PREX2: variants seen among roughly 807,000 people sequenced by gnomAD.
PREX2 encodes phosphatidylinositol 3,4,5-trisphosphate-dependent Rac exchanger 2 protein.
A neutral mutation model predicts 203.2 loss-of-function variants in PREX2; 107 were observed. The observed-to-expected ratio is 0.53, with a 90% CI of 0.45 to 0.62. The LOEUF is 0.62. Ranked by LOEUF, PREX2 falls within the 20% of genes least tolerant of loss-of-function variation. The pLI is 0.00. For missense variants in PREX2, 1,777 were observed against 1,955.9 expected (o/e 0.91, Z 1.72); for synonymous variants, 672 against 663.6 (o/e 1.01, Z -0.19).
chr8:68,162,192 T>G (rs551074418), intron 35 of PREX2, among the ~76,000 whole-genome samples: 1 of 152,084 alleles, frequency 6.6e-6, no homozygotes, highest in Non-Finnish European at 1.5e-5. Flanking sequence ...AGTTTTAACC[T>G]AGTCACTAAT....
intron 31 of PREX2, among the ~76,000 whole-genome samples, chr8:68,133,815 T>C (rs1585818546): frequency 6.6e-6 from 1 of 152,334 alleles, no homozygotes; most frequent in Non-Finnish European, 1.5e-5. Flanking sequence ...GATTCTAGAA[T>C]AGAGTCACAA....
chr8:68,029,520 C>T (rs903013686), intron 5 of PREX2, among the ~76,000 whole-genome samples: 2 of 152,004 alleles, frequency 1.3e-5, no homozygotes, highest in African/African-American at 4.8e-5. Context: ...ATTTAGGGTC[C>T]GAGTTTATGG....
intron 39 of PREX2, among the ~76,000 whole-genome samples, chr8:68,229,798 A>T (rs779573422): frequency 1.3e-5 from 2 of 152,206 alleles, no homozygotes; most frequent in Non-Finnish European, 2.9e-5. Flanking sequence ...CTTTTCAATC[A>T]TTAGGCAGCA....
chr8:68,120,428 T>C (rs1289742038), intron 29 of PREX2, 142 bp downstream of exon 29: 26 of 585,172 alleles, frequency 4.4e-5, no homozygotes, highest in Non-Finnish European at 6.9e-5. Flanking sequence ...ACTTCTATTC[T>C]GATAATTTTT....
At chr8:67,995,602 A>G (rs990747719) in intron 1 of PREX2, among the ~76,000 whole-genome samples, 14 of 152,206 alleles carry the variant, frequency 9.2e-5, no homozygotes, top group Non-Finnish European at 2.1e-4. Context: ...TTCATCAGCT[A>G]TGTAAATATT....
intron 35 of PREX2, among the ~76,000 whole-genome samples, chr8:68,172,933 C>T (rs1257884632): frequency 6.6e-6 from 1 of 152,202 alleles, no homozygotes; most frequent in Admixed American, 6.5e-5. Context: ...TTATTTACGA[C>T]TGATTTCAAA....
rs186989345 is a variant in PREX2, at chr8:68,051,445, G to A, written c.944-1652G>A. ...CAGAGAGAAGACAGCCTGAAAAAAA[G>A]CTTGGGCTTGTATGTGACTCTGGTC... On this transcript the variant is annotated intron_variant, in intron 8 of 39. Transcript: ENST00000288368. Among the ~76,000 whole-genome samples the A allele has an allele frequency of 3.9e-4, 59 of 152,224 alleles. No homozygotes were observed. The East Asian group carries it at 0.011, about 28-fold the overall frequency.
At chr8:67,953,688 A>C (rs28413565) in intron 1 of PREX2, among the ~76,000 whole-genome samples, 10,294 of 152,238 alleles carry the variant, frequency 0.068, 692 homozygotes, top group African/African-American at 0.18. Context: ...AAGGAAAGAA[A>C]AATGTCTCAA....
chr8:67,952,500 C>A lies in PREX2; in HGVS notation c.106C>A (p.Arg36=). 2 of 1,610,012 alleles carry A rather than the reference C, an allele frequency of 1.2e-6. No individual in the cohort carries two copies. Among genetic ancestry groups the A allele is most frequent in the Non-Finnish European group, 1.7e-6 (2 of 1,178,282 alleles). The change falls in exon 1 of 40, where the codon CGG becomes AGG. Residue 36 remains arginine (R), a synonymous_variant. Transcript: ENST00000288368. ...GCTCAGCGAGCTCCAGAAGACCGAG[C>A]GGGACTATGTGGGCACGCTGGAGTT... ...CVLSELQKTE[R]DYVGTLEFLV...
intron 1 of PREX2, among the ~76,000 whole-genome samples, chr8:67,999,992 A>G (rs1341419503): frequency 6.6e-6 from 1 of 152,220 alleles, no homozygotes; most frequent in Admixed American, 6.5e-5. Flanking sequence ...ACCTGTGACA[A>G]ACCCACAGCC....
chr8:68,132,456 A>G (rs768326525), intron 31 of PREX2, among the ~76,000 whole-genome samples: 7 of 152,072 alleles, frequency 4.6e-5, no homozygotes, highest in Non-Finnish European at 7.4e-5. Flanking sequence ...GTTGAGCCTA[A>G]TAAGTGAATA....
chr8:68,044,856 C>T (rs537409100), intron 8 of PREX2, among the ~76,000 whole-genome samples: 2 of 152,114 alleles, frequency 1.3e-5, no homozygotes, highest in Non-Finnish European at 2.9e-5. Context: ...ATGGCATTCA[C>T]GGGACTGAAA....
At chr8:68,062,414 A>G (rs1585749674) in intron 11 of PREX2, among the ~76,000 whole-genome samples, 1 of 152,204 alleles carries the variant, frequency 6.6e-6, no homozygotes, top group African/African-American at 2.4e-5. Context: ...TAAACTTCTT[A>G]CCATGACCTA....
intron 22 of PREX2, 111 bp downstream of exon 22, chr8:68,097,312 G>A: frequency 2.4e-6 from 2 of 827,822 alleles, no homozygotes; most frequent in South Asian, 2.2e-5. Flanking sequence ...GCAGCTGTCA[G>A]CTCATTCAAA....
chr8:68,233,150 A>T lies in PREX2; in HGVS notation c.*1772A>T, dbSNP rs12548558. The T allele has an allele frequency of 6.6e-6, 1 of 152,164 alleles. No homozygotes were observed. Among genetic ancestry groups the T allele is most frequent in the East Asian group, 1.9e-4 (1 of 5,164 alleles). 9.4% of individuals were successfully genotyped at this position (152,164 alleles called of 1,614,324 possible). On this transcript the variant is annotated 3_prime_UTR_variant, in exon 40 of 40. Transcript: ENST00000288368. ...CAAGGAACCTAACATCAGAGTTTTC[A>T]AGAAAAAGTTGAACATTTTGAATTT...
chr8:68,037,438 C>G (rs556109247), intron 6 of PREX2, among the ~76,000 whole-genome samples: 1 of 152,166 alleles, frequency 6.6e-6, no homozygotes, highest in Non-Finnish European at 1.5e-5. Flanking sequence ...GTCCGATACT[C>G]GTGTCCAACT....
At chr8:68,171,414 A>T (rs1417849249) in intron 35 of PREX2, among the ~76,000 whole-genome samples, 1 of 152,164 alleles carries the variant, frequency 6.6e-6, no homozygotes, top group Non-Finnish European at 1.5e-5. Flanking sequence ...TCTGGCCAGA[A>T]GTGTGTTTTC....
rs1481202340 is a variant in PREX2 at position 68,183,322 on chromosome 8, G to A, written c.4347-8400G>A. On this transcript the variant is annotated intron_variant, in intron 35 of 39. Coordinates refer to ENST00000288368, the MANE Select transcript of PREX2 (RefSeq NM_024870.4). ...TTTGAACCTAAAAAGTTATTCTTTG[G>A]TATGAAAATGCAGAATTATCTTGAA... is the stretch of plus-strand genomic sequence containing the variant. Among the ~76,000 whole-genome samples, 3 of 152,058 alleles carry A rather than the reference G, an allele frequency of 2.0e-5. No individual in the cohort carries two copies. The South Asian group carries it at 6.2e-4, about 32-fold the overall frequency.
intron 37 of PREX2, among the ~76,000 whole-genome samples, chr8:68,202,030 C>A (rs576100458): frequency 4.4e-4 from 67 of 151,468 alleles, no homozygotes; most frequent in Non-Finnish European, 2.9e-5. Flanking sequence ...CTCAGCCTCC[C>A]GAGTAGCTGG....
Sources: allele counts gnomAD v4.1 joint callset (sites outside exome capture counted in the v4.1 genomes callset), GRCh38; gene constraint gnomAD v4.1.1; transcripts MANE v1.5; gene names NCBI Gene and HGNC (gene_info 2026-07-23, HGNC 2026-07-21).